HTR7: variants seen among roughly 807,000 people sequenced by gnomAD.
HTR7 encodes 5-HT-7.
Under a neutral mutation model 34.0 loss-of-function variants are expected in HTR7, and 16 were observed. That is an observed-to-expected ratio of 0.47 (90% CI 0.32 to 0.71). HTR7 has a LOEUF of 0.71. HTR7 is among the 30% of genes least tolerant of loss of function. The probability of loss-of-function intolerance (pLI) is 0.04; values close to 1 mark genes in which losing one functional copy is unlikely to be tolerated. For synonymous variants in HTR7, 265 were observed against 260.2 expected (o/e 1.02, Z -0.18); for missense variants, 504 against 625.5 (o/e 0.81, Z 2.07).
intron 1 of HTR7, among the ~76,000 whole-genome samples, chr10:90,790,547 T>G (rs1030014235): frequency 6.6e-6 from 1 of 152,168 alleles, no homozygotes; most frequent in Non-Finnish European, 1.5e-5. Flanking sequence ...GGTGACAAAT[T>G]AAACTAGCTG....
Position 90,833,607 on chromosome 10 carries a change from G to A in HTR7, c.539+23526C>T, listed in dbSNP as rs370772553. On this transcript the variant is annotated intron_variant, in intron 1 of 3. Coordinates refer to ENST00000336152, the MANE Select transcript of HTR7 (RefSeq NM_019859.4). ...GATTTATTTGACAAAAATTTCTTGGGGAGTTGTTAATGGCTTTTATCTGAG... is the reference window on the plus strand; with the variant it reads ...GATTTATTTGACAAAAATTTCTTGGAGAGTTGTTAATGGCTTTTATCTGAG... 1.1e-4 allele frequency among the ~76,000 whole-genome samples: 17 copies of A among 152,148 alleles called. No homozygotes were observed. In the East Asian group the frequency reaches 3.1e-3, roughly 28 times the overall value.
At chr10:90,798,005 C>A (rs140222836) in intron 1 of HTR7, among the ~76,000 whole-genome samples, 85 of 152,242 alleles carry the variant, frequency 5.6e-4, no homozygotes, top group African/African-American at 2.0e-3. Flanking sequence ...GCCACTCTTT[C>A]TATAATGGTA....
chr10:90,843,900 T>C (rs1339436684), intron 1 of HTR7, among the ~76,000 whole-genome samples: 1 of 152,216 alleles, frequency 6.6e-6, no homozygotes, highest in African/African-American at 2.4e-5. Flanking sequence ...AGAATGCTAT[T>C]TTATGACATG....
At chr10:90,779,842 AAC>A (rs1226965565) in intron 1 of HTR7, among the ~76,000 whole-genome samples, 8 of 152,192 alleles carry the variant, frequency 5.3e-5, no homozygotes, top group African/African-American at 1.9e-4. Flanking sequence ...ACAAATGCCT[AAC>A]ACACATTCCA....
At chr10:90,760,839 C>T (rs1844923846) in intron 1 of HTR7, among the ~76,000 whole-genome samples, 1 of 152,044 alleles carries the variant, frequency 6.6e-6, no homozygotes, top group Non-Finnish European at 1.5e-5. Context: ...CGAGATTGCG[C>T]CACTGAACTG....
chr10:90,747,345 G>A (rs192091620), intron 2 of HTR7, among the ~76,000 whole-genome samples: 20 of 152,248 alleles, frequency 1.3e-4, no homozygotes, highest in African/African-American at 3.9e-4. Flanking sequence ...TCAGTTCAAC[G>A]AACTCTTATA....
chr10:90,838,509 C>T (rs1363987985), intron 1 of HTR7, among the ~76,000 whole-genome samples: 1 of 152,220 alleles, frequency 6.6e-6, no homozygotes, highest in East Asian at 1.9e-4. Context: ...TTTCATTCTC[C>T]ACAAAGTAAC....
intron 1 of HTR7, among the ~76,000 whole-genome samples, chr10:90,805,904 G>C (rs554352567): frequency 6.6e-6 from 1 of 152,180 alleles, no homozygotes; most frequent in Non-Finnish European, 1.5e-5. Context: ...TCTTTGATAA[G>C]TAAAACTAGT....
chr10:90,809,624 A>ATTTCATACAAAACCGTATCCAGGCCAT (rs1845769000), intron 1 of HTR7, among the ~76,000 whole-genome samples: 1 of 152,198 alleles, frequency 6.6e-6, no homozygotes, highest in Non-Finnish European at 1.5e-5. Flanking sequence ...CAACTCCAGC[A>ATTTCATACAAAACCGTATCCAGGCCAT]CACAAGAACT....
At position 90,836,072 on chromosome 10, in the gene HTR7, C is replaced by T. The variant is rs79846185; in HGVS notation, c.539+21061G>A. On this transcript the variant is annotated intron_variant, in intron 1 of 3. Transcript: ENST00000336152. ...ACACAAATTACGTATCCTTCCCGAC[C>T]GACCTACTGATCCCACCTCAGCGTG... Among the ~76,000 whole-genome samples the T allele has an allele frequency of 2.6e-3, 395 of 152,248 alleles. 11 individuals carry two copies. In the East Asian group the frequency reaches 0.055, roughly 21 times the overall value.
chr10:90,801,649 C>T (rs959827152), intron 1 of HTR7, among the ~76,000 whole-genome samples: 3 of 152,196 alleles, frequency 2.0e-5, no homozygotes, highest in Non-Finnish European at 4.4e-5. Flanking sequence ...GAAAGCTCCT[C>T]CTTGGCCCCC....
At chr10:90,756,337 C>T (rs1163913764) in intron 1 of HTR7, among the ~76,000 whole-genome samples, 5 of 152,042 alleles carry the variant, frequency 3.3e-5, no homozygotes, top group South Asian at 2.1e-4. Flanking sequence ...TGCAGTGTTC[C>T]GGATGTATGT....
At chr10:90,769,840 A>G (rs932462727) in intron 1 of HTR7, among the ~76,000 whole-genome samples, 6 of 152,274 alleles carry the variant, frequency 3.9e-5, no homozygotes, top group African/African-American at 1.4e-4. Flanking sequence ...ATTATTATTT[A>G]AATTACTGAC....
chr10:90,747,278 G>T (rs1844654819), intron 2 of HTR7, among the ~76,000 whole-genome samples: 1 of 152,174 alleles, frequency 6.6e-6, no homozygotes, highest in African/African-American at 2.4e-5. Flanking sequence ...AGATTCTGCA[G>T]AAAGAAATCT....
intron 1 of HTR7, among the ~76,000 whole-genome samples, chr10:90,839,779 GGT>G (rs1846300660): frequency 6.6e-6 from 1 of 151,824 alleles, no homozygotes; most frequent in Non-Finnish European, 1.5e-5. Flanking sequence ...AGAATACCAG[GGT>G]TTTTATTGAC....
chr10:90,761,478 G>C (rs1844933778), intron 1 of HTR7, among the ~76,000 whole-genome samples: 1 of 152,142 alleles, frequency 6.6e-6, no homozygotes, highest in Non-Finnish European at 1.5e-5. Flanking sequence ...AGTTAGTGAA[G>C]GAGGCTTCTG....
At chr10:90,840,175 TCTCA>T (rs1465136687) in intron 1 of HTR7, among the ~76,000 whole-genome samples, 77 of 122,600 alleles carry the variant, frequency 6.3e-4, no homozygotes, top group East Asian at 2.6e-3. Flanking sequence ...TCTCTCTCTC[TCTCA>T]CACACACACA....
At chr10:90,789,788 A>G (rs1398784827) in intron 1 of HTR7, among the ~76,000 whole-genome samples, 1 of 152,196 alleles carries the variant, frequency 6.6e-6, no homozygotes, top group Non-Finnish European at 1.5e-5. Context: ...CCAGAGCGCC[A>G]GATTTCAAAT....
At chr10:90,780,686 G>C (rs1272923644) in intron 1 of HTR7, among the ~76,000 whole-genome samples, 1 of 152,190 alleles carries the variant, frequency 6.6e-6, no homozygotes, top group Non-Finnish European at 1.5e-5. Flanking sequence ...CCACAGGGCA[G>C]TGGAACAGAC....
Sources: allele counts gnomAD v4.1 joint callset (sites outside exome capture counted in the v4.1 genomes callset), GRCh38; gene constraint gnomAD v4.1.1; transcripts MANE v1.5; gene names NCBI Gene and HGNC (gene_info 2026-07-23, HGNC 2026-07-21).